The following WDR83 variants were observed in gnomAD, a reference collection of about 807,000 sequenced individuals.
The protein encoded by WDR83 is WD repeat domain-containing protein 83.
Under a neutral mutation model 37.7 loss-of-function variants are expected in WDR83, and 37 were observed. That is an observed-to-expected ratio of 0.98 (90% CI 0.76 to 1.29). The LOEUF is 1.29. WDR83 is among the 50% of genes most tolerant of loss of function. WDR83 has a pLI of 0.00. For synonymous variants in WDR83, 174 were observed against 181.1 expected (o/e 0.96, Z 0.31); for missense variants, 445 against 414.4 (o/e 1.07, Z -0.64).
chr19:12,668,247 A>T, intron 1 of WDR83: 1 of 1,134,454 alleles, frequency 8.8e-7, no homozygotes. Context: ...GGGCACCGAG[A>T]CGGCCTCATT....
chr19:12,667,548 G>A (rs189319585), intron 1 of WDR83, among the ~76,000 whole-genome samples: 55 of 152,342 alleles, frequency 3.6e-4, no homozygotes, highest in African/African-American at 1.3e-3. Flanking sequence ...AGCTACTTGG[G>A]AGACTGAGGC....
Position 12,672,663 on chromosome 19 carries a change from G to T in WDR83, c.507-184G>T, listed in dbSNP as rs1443928096. Reference sequence around the variant, plus strand: ...AGGACTCCAAGGGCTTGGAAAGGGGGTGTGGGTCTTGGAAATGATGGAGTA... The same window carrying T: ...AGGACTCCAAGGGCTTGGAAAGGGGTTGTGGGTCTTGGAAATGATGGAGTA... On this transcript the variant is annotated intron_variant, in intron 7 of 10. Coordinates refer to ENST00000418543, the MANE Select transcript of WDR83 (RefSeq NM_001099737.3). The T allele has an allele frequency of 3.7e-4, 232 of 628,306 alleles. 2 individuals are homozygous for T. In the East Asian group the frequency reaches 6.2e-3, roughly 17 times the overall value. The allele number at this position is 628,306 out of a possible 1,614,324, so 38.9% of individuals were successfully genotyped here.
intron 2 of WDR83, 42 bp downstream of exon 2, chr19:12,668,669 C>A (rs1286737130): frequency 6.8e-7 from 1 of 1,481,036 alleles, no homozygotes; most frequent in Non-Finnish European, 9.4e-7. Flanking sequence ...AACAATGAGT[C>A]CCCGAAGCCA....
Position 12,669,848 on chromosome 19 carries a change from A to G in WDR83, c.58A>G (p.Thr20Ala). Residue 20 changes from threonine to alanine, a missense_variant, in exon 3 of 11, where the codon ACG (threonine) becomes GCG (alanine). Thr to Ala is a moderately conservative substitution (Grantham distance 58, BLOSUM62 0). Coordinates refer to ENST00000418543, the MANE Select transcript of WDR83 (RefSeq NM_001099737.3). ...AGAGCTGCCGCAGAAACGGTTGAAG[A>G]CGCTGGACTGCGGGCAGGGGGCAGT... ...PPELPQKRLK[T>A]LDCGQGAVRA... The G allele has an allele frequency of 6.2e-7, 1 of 1,612,304 alleles. No homozygotes were observed. The highest frequency in any genetic ancestry group is 8.5e-7 in the Non-Finnish European group (1 of 1,179,106).
rs1299826627 is a variant in WDR83 at position 12,668,522 on chromosome 19, G to A, written c.-142G>A. On this transcript the variant is annotated 5_prime_UTR_variant, in exon 2 of 11. It removes an upstream start codon present in the reference 5' UTR. Coordinates refer to ENST00000418543, the MANE Select transcript of WDR83 (RefSeq NM_001099737.3). Reference sequence around the variant, plus strand: ...TTGTTCTGTAGGGCAAGTCTCACATGAAGCTACTCATCATTTGCTTCGTGT... The same window carrying A: ...TTGTTCTGTAGGGCAAGTCTCACATAAAGCTACTCATCATTTGCTTCGTGT... 1.2e-6 allele frequency: 2 copies of A among 1,614,146 alleles called. No homozygotes were observed. The highest frequency in any genetic ancestry group is 1.7e-6 in the Non-Finnish European group (2 of 1,180,002).
At chr19:12,670,987 G>C (rs2024398350) in intron 7 of WDR83, 166 bp downstream of exon 7, 1 of 1,026,480 alleles carries the variant, frequency 9.7e-7, no homozygotes, top group South Asian at 1.6e-5. Flanking sequence ...AAGAGTTCGA[G>C]GCACCATTGC....
Position 12,675,498 on chromosome 19 carries a change from C to G in WDR83, c.799-25C>G, listed in dbSNP as rs778318196. The stretch of plus-strand genomic sequence containing the variant: ...CAGGGTACAGCCCAGCCACAGATAA[C>G]CACTCCCTACCCCTCGCTCCACAGG... On this transcript the variant is annotated intron_variant, in intron 10 of 10. Coordinates refer to ENST00000418543, the MANE Select transcript of WDR83 (RefSeq NM_001099737.3). 2.5e-6 allele frequency: 4 copies of G among 1,598,440 alleles called. No individual in the cohort carries two copies. In the South Asian group the frequency reaches 3.3e-5, roughly 13 times the overall value.
chr19:12,666,960 C>T lies in WDR83; in HGVS notation c.-189C>T, dbSNP rs2024267980. ...ATGAAGACGGAATGCCTCTTAATGC[C>T]GGAATTCCAAGACGGAATGCCTCTT... On this transcript the variant is annotated 5_prime_UTR_variant, in exon 1 of 11. Transcript: ENST00000418543. 1.8e-6 allele frequency: 1 copy of T among 557,850 alleles called. No homozygotes were observed. Among genetic ancestry groups the T allele is most frequent in the Admixed American group, 3.3e-5 (1 of 30,608 alleles). 34.6% of individuals were successfully genotyped at this position (557,850 alleles called of 1,614,324 possible).
Position 12,669,749 on chromosome 19 carries a change from G to T in WDR83, c.-36-6G>T, listed in dbSNP as rs368950634. 2 of 1,542,590 alleles carry T rather than the reference G, an allele frequency of 1.3e-6. No individual in the cohort carries two copies. Among genetic ancestry groups the T allele is most frequent in the Non-Finnish European group, 8.7e-7 (1 of 1,144,216 alleles). The stretch of plus-strand genomic sequence containing the variant: ...GGGTTTCTAAGGCGCGGAATTTTCC[G>T]TACAGACCGATTTAAGGCTGCAAGG... On this transcript the variant is annotated splice_polypyrimidine_tract_variant and splice_region_variant and intron_variant, in intron 2 of 10. Coordinates refer to ENST00000418543, the MANE Select transcript of WDR83 (RefSeq NM_001099737.3).
intron 10 of WDR83, among the ~76,000 whole-genome samples, chr19:12,674,624 A>G (rs2024515857): frequency 6.6e-6 from 1 of 152,208 alleles, no homozygotes; most frequent in Non-Finnish European, 1.5e-5. Context: ...AACTGTTTAC[A>G]TTGTGTTGGG....
Position 12,675,607 on chromosome 19 carries a change from G to T in WDR83, c.883G>T (p.Ala295Ser). Residue 295 changes from alanine to serine, a missense_variant, in exon 11 of 11, where the codon GCC becomes TCC. Ala to Ser is a moderately conservative substitution (Grantham distance 99). Transcript: ENST00000418543. ...CCCAACAGAGCCCTGCCTGCTGACCGCCATGGGAGGCAGCGTCCAGTGCTG... is the reference window on the plus strand; with the variant it reads ...CCCAACAGAGCCCTGCCTGCTGACCTCCATGGGAGGCAGCGTCCAGTGCTG... The part of the protein sequence containing the change: ...YHPTEPCLLT[A>S]MGGSVQCWRE... 1 of 1,604,328 alleles carries T rather than the reference G, an allele frequency of 6.2e-7. No homozygotes were observed. The highest frequency in any genetic ancestry group is 8.5e-7 in the Non-Finnish European group (1 of 1,179,936).
rs762625460 is a variant in WDR83, at chr19:12,675,775, G to A, written c.*103G>A. On this transcript the variant is annotated 3_prime_UTR_variant, in exon 11 of 11. Transcript: ENST00000418543. ...ACGTAGCTGACCAAAAAGTAGGGGA[G>A]GGGCTGGGTCTGCAAATTAATAAAT... 24 of 1,567,856 alleles carry A rather than the reference G, an allele frequency of 1.5e-5. No individual in the cohort carries two copies. The East Asian group carries it at 4.8e-4, about 31-fold the overall frequency.
rs144653850 is a variant in WDR83, at chr19:12,670,586, T to C, written c.354T>C (p.Asn118=). 6.2e-7 allele frequency: 1 copy of C among 1,614,210 alleles called. No individual in the cohort carries two copies. Among genetic ancestry groups the C allele is most frequent in the East Asian group, 2.2e-5 (1 of 44,884 alleles). Residue 118 remains asparagine, a synonymous_variant, in exon 6 of 11, where the codon AAT becomes AAC. Coordinates refer to ENST00000418543, the MANE Select transcript of WDR83 (RefSeq NM_001099737.3). ...HAGKVNTVQF[N]EEATVILSGS... ...AGAAGGTGAACACGGTGCAGTTTAA[T>C]GAAGAGGCCACAGTTATCCTGTCCG... is the stretch of plus-strand genomic sequence containing the variant.
intron 1 of WDR83, chr19:12,668,297 G>C: frequency 6.5e-7 from 1 of 1,532,816 alleles, no homozygotes; most frequent in Non-Finnish European, 8.9e-7. Context: ...AGCAGGTTTA[G>C]CAGCCAAAGC....
chr19:12,670,742 C>G lies in WDR83; in HGVS notation c.427C>G (p.Pro143Ala), dbSNP rs764953656. The change falls in exon 7 of 11, where the codon CCT becomes GCT. Residue 143 changes from proline to alanine, a missense_variant. Coordinates refer to ENST00000418543, the MANE Select transcript of WDR83 (RefSeq NM_001099737.3). The stretch of plus-strand genomic sequence containing the variant: ...CTGTTGGGATTGCCGCTCACGGAGG[C>G]CTGAGCCAGTGCAGACGCTGGATGA... ...IRCWDCRSRR[P>A]EPVQTLDEAR... is the part of the protein sequence containing the mutation. 5 of 1,614,070 alleles carry G rather than the reference C, an allele frequency of 3.1e-6. No homozygotes were observed. Among genetic ancestry groups the G allele is most frequent in the Non-Finnish European group, 4.2e-6 (5 of 1,180,036 alleles).
intron 8 of WDR83, 40 bp downstream of exon 8, chr19:12,672,954 G>A (rs770979161): frequency 4.4e-6 from 7 of 1,596,006 alleles, no homozygotes; most frequent in Non-Finnish European, 5.1e-6. Flanking sequence ...AGGGAAGATG[G>A]GGGGCCAACC....
chr19:12,673,255 G>GT lies in WDR83; in HGVS notation c.738dup (p.Asp247Ter), dbSNP rs750811993. ...AAGCTGGACTGCTGCCTGAGCGAGC[G>GT]TGACACACATGTGGTCAGCTGTTCT... On this transcript the variant is annotated frameshift_variant, in exon 10 of 11. Coordinates refer to ENST00000418543, the MANE Select transcript of WDR83 (RefSeq NM_001099737.3). LOFTEE classifies it high-confidence loss of function. 6 of 1,613,876 alleles carry GT rather than the reference G, an allele frequency of 3.7e-6. No individual in the cohort carries two copies. The African/African-American group carries it at 6.7e-5, about 18-fold the overall frequency.
At chr19:12,673,408 ATCTTT>A in intron 10 of WDR83, 92 bp downstream of exon 10, 24 of 266,020 alleles carry the variant, frequency 9.0e-5, no homozygotes, top group East Asian at 2.3e-4. Flanking sequence ...GAAGGCTAGG[ATCTTT>A]TTTTTTTTTT....
At position 12,672,900 on chromosome 19, in the gene WDR83, C is replaced by G; in HGVS notation, c.560C>G (p.Ser187Ter). 1 of 1,598,432 alleles carries G rather than the reference C, an allele frequency of 6.3e-7. No individual in the cohort carries two copies. Among genetic ancestry groups the G allele is most frequent in the African/African-American group, 1.3e-5 (1 of 74,776 alleles). Residue 187 changes from serine (S) to a stop codon, truncating the protein, a stop_gained, in exon 8 of 11, where the codon TCA becomes TGA. Coordinates refer to ENST00000418543, the MANE Select transcript of WDR83 (RefSeq NM_001099737.3). LOFTEE classifies it high-confidence loss of function. ...RYDLRMGQLF[S>*]DYVGSPITCT... is the part of the protein sequence containing the mutation. ...GACCTAAGGATGGGGCAGCTCTTCT[C>G]AGACTACGTGGGCAGTGAGTGTGGC...
Sources: gnomAD v4.1 joint callset for allele counts (sites outside exome capture counted in the v4.1 genomes callset) on GRCh38, gnomAD v4.1.1 for gene constraint, MANE v1.5 for transcripts, NCBI Gene and HGNC (gene_info 2026-07-23, HGNC 2026-07-21) for gene names.